The following NEB variants were observed in gnomAD, a reference collection of about 807,000 sequenced individuals.
NEB encodes the protein nemaline myopathy type 2.
In NEB, 512 loss-of-function variants were observed where a neutral mutation model predicts 952.2. The ratio of observed to expected loss-of-function variants is 0.54; its 90% CI spans 0.50 to 0.58. The LOEUF (loss-of-function observed/expected upper bound fraction) is 0.58, where lower values mean the gene tolerates loss of function less well. Ranked by LOEUF, NEB falls within the 20% of genes least tolerant of loss-of-function variation. NEB has a pLI of 0.00. For missense variants in NEB, 8,428 were observed against 9,231.1 expected (o/e 0.91, Z 3.56); for synonymous variants, 2,900 against 3,149.8 (o/e 0.92, Z 2.66).
At chr2:151,490,102 T>C (rs765019089) in intron 180 of NEB, 25 bp from the exon 181 acceptor site, 1 of 1,545,142 alleles carries the variant, frequency 6.5e-7, no homozygotes, top group South Asian at 1.2e-5. Flanking sequence ...GCAAATTCTT[T>C]ATAAGAAGAA....
Position 151,535,734 on chromosome 2 carries a change from G to T in NEB, c.21269C>A (p.Pro7090Gln). The change falls in exon 142 of 182, where the codon CCG becomes CAG. Residue 7090 changes from proline (P) to glutamine (Q), a missense_variant. By Grantham distance (76) the Pro-to-Gln change is moderately conservative. Around this residue, in one of 11 missense-constraint regions of NEB, gnomAD observed 3,374 missense variants for 3,651.5 expected, o/e 0.92. Transcript: ENST00000397345. ...TGCATACTTGAAATGCCTATTGATC[G>T]GAGAGTCGGCAACATACTTGAAATC... ...KSDFKYVADS[P>Q]INRHFKYATQ... 1.2e-6 allele frequency: 2 copies of T among 1,609,344 alleles called. No homozygotes were observed. Among genetic ancestry groups the T allele is most frequent in the Non-Finnish European group, 1.7e-6 (2 of 1,177,504 alleles).
At position 151,680,742 on chromosome 2, in the gene NEB, G is replaced by C; in HGVS notation, c.3030C>G (p.Ala1010=). 1.9e-6 allele frequency: 3 copies of C among 1,601,176 alleles called. No homozygotes were observed. Among genetic ancestry groups the C allele is most frequent in the Non-Finnish European group, 2.6e-6 (3 of 1,168,844 alleles). ...PITVQSKINQ[A]QRSDIAYKAK... ...CATTAACACTTACATCACTCCTCTG[G>C]GCCTGGTTAATTTTAGACTGTACTG... Residue 1010 remains alanine (A), a synonymous_variant, in exon 30 of 182, where the codon GCC becomes GCG. Coordinates refer to ENST00000397345, the MANE Select transcript of NEB (RefSeq NM_001164508.2).
rs776569219 is a variant in NEB at position 151,612,364 on chromosome 2, C to T, written c.11627G>A (p.Trp3876Ter). 4.3e-6 allele frequency: 7 copies of T among 1,613,732 alleles called. No individual in the cohort carries two copies. In the Admixed American group the frequency reaches 1.0e-4, roughly 23 times the overall value. The change falls in exon 78 of 182, where the codon TGG (tryptophan) becomes TAG (stop). Residue 3876 changes from tryptophan to a stop codon, truncating the protein, a stop_gained. Transcript: ENST00000397345. LOFTEE classifies it high-confidence loss of function. The stretch of plus-strand genomic sequence containing the variant: ...GGGAACCCATCCTATGCCTCTCAGC[C>T]ACTCAAGATCAGATTTGTAAATAGC... ...SDAIYKSDLE[W>*]LRGIGWVPIG...
chr2:151,518,870 A>G (rs1053477811), intron 155 of NEB, 95 bp downstream of exon 155: 1 of 754,570 alleles, frequency 1.3e-6, no homozygotes, highest in Non-Finnish European at 2.3e-6. Flanking sequence ...AATCTAGGGT[A>G]TCAGTAGCAG....
In NEB at chr2:151,540,810, T is replaced by C. The variant is rs769188838; in HGVS notation, c.20683-9A>G. On this transcript the variant is annotated splice_polypyrimidine_tract_variant and intron_variant, in intron 136 of 181. Coordinates refer to ENST00000397345, the MANE Select transcript of NEB (RefSeq NM_001164508.2). ...AGTTCAACATACAGATACTGAATAA[T>C]AGAAGAAAGTGAGGTGTCATAGAGA... The C allele has an allele frequency of 1.0e-5, 16 of 1,596,772 alleles. No homozygotes were observed. Among genetic ancestry groups the C allele is most frequent in the Admixed American group, 1.7e-5 (1 of 59,950 alleles).
At chr2:151,672,875 G>T (rs1221881627) in intron 36 of NEB, among the ~76,000 whole-genome samples, 195 bp from the exon 37 acceptor site, 2 of 152,164 alleles carry the variant, frequency 1.3e-5, no homozygotes, top group African/African-American at 4.8e-5. Context: ...ATAAATTCAA[G>T]ATCAGTTTAT....
In NEB at chr2:151,640,483, C is replaced by T; in HGVS notation, c.8557G>A (p.Val2853Met). 6.2e-7 allele frequency: 1 copy of T among 1,613,892 alleles called. No individual in the cohort carries two copies. Among genetic ancestry groups the T allele is most frequent in the Non-Finnish European group, 8.5e-7 (1 of 1,179,880 alleles). The part of the protein sequence containing the change: ...FSSPVDMLGV[V>M]LAKKCQTLVS... ...AAGGTCTGGCACTTCTTGGCCAGCA[C>T]CACCCCCAGCATGTCCACTGGGCTG... Residue 2853 changes from valine to methionine, a missense_variant, in exon 61 of 182, where the codon GTG becomes ATG. Transcript: ENST00000397345.
intron 64 of NEB, among the ~76,000 whole-genome samples, 182 bp from the exon 65 acceptor site, chr2:151,634,147 T>A (rs2098715075): frequency 2.0e-5 from 3 of 152,170 alleles, no homozygotes; most frequent in African/African-American, 4.8e-5. Context: ...ATGGAATTCA[T>A]GTAATTGTAG....
chr2:151,678,141 C>G lies in NEB; in HGVS notation c.3302G>C (p.Gly1101Ala), dbSNP rs368377514. ...DYEKAKGKMV[G>A]FQSLQDDPKL... is the part of the protein sequence containing the mutation. ...AGGGTCATCTTGAAGACTTTGGAAG[C>G]CAACCATTTTCCCTTTAGCCTTTTC... The change falls in exon 33 of 182, where the codon GGC (glycine) becomes GCC (alanine). Residue 1101 changes from glycine to alanine, a missense_variant. This residue lies in a region of NEB where 2,851 missense variants were observed against 2,791.5 expected (regional missense o/e 1.02). Transcript: ENST00000397345. 1 of 1,612,912 alleles carries G rather than the reference C, an allele frequency of 6.2e-7. No homozygotes were observed. Among genetic ancestry groups the G allele is most frequent in the East Asian group, 2.2e-5 (1 of 44,878 alleles).
Position 151,514,416 on chromosome 2 carries a change from T to C in NEB, c.23029A>G (p.Lys7677Glu), listed in dbSNP as rs1352417242. The part of the protein sequence containing the change: ...TKIASEKEYR[K>E]DLEESIRGKG... ...CCACGGATGCTTTCCTCTAGATCTT[T>C]CCTGTACTCTTTCTATATCATGAAA... is the stretch of plus-strand genomic sequence containing the variant. The change falls in exon 159 of 182, where the codon AAA becomes GAA. Residue 7677 changes from lysine to glutamate, a missense_variant. Lys to Glu is a moderately conservative substitution (Grantham distance 56). Around this residue, in one of 11 missense-constraint regions of NEB, gnomAD observed 3,374 missense variants for 3,651.5 expected, o/e 0.92. Coordinates refer to ENST00000397345, the MANE Select transcript of NEB (RefSeq NM_001164508.2). 1 of 1,609,782 alleles carries C rather than the reference T, an allele frequency of 6.2e-7. No individual in the cohort carries two copies. Among genetic ancestry groups the C allele is most frequent in the Admixed American group, 1.7e-5 (1 of 60,026 alleles).
At chr2:151,572,486 ATATT>A (rs1247266005) in intron 107 of NEB, among the ~76,000 whole-genome samples, 9 of 146,588 alleles carry the variant, frequency 6.1e-5, no homozygotes, top group Non-Finnish European at 1.3e-4. Context: ...TATATATTGA[ATATT>A]TATATATATT....
At chr2:151,680,627 C>T in intron 30 of NEB, 103 bp downstream of exon 30, 1 of 802,844 alleles carries the variant, frequency 1.2e-6, no homozygotes, top group Non-Finnish European at 2.0e-6. Flanking sequence ...GTAATTGGGT[C>T]TCTTCATATT....
At position 151,662,293 on chromosome 2, in the gene NEB, G is replaced by A; in HGVS notation, c.5812C>T (p.Leu1938Phe). ...YADFMKGIGWLPLGSLEAEKN... is the reference protein window; with the variant it reads ...YADFMKGIGWFPLGSLEAEKN... ...TCTGCTTCCAGGGAGCCCAGAGGGA[G>A]CCATCCAATGCCCTTCATGAAGTCA... Residue 1938 changes from leucine to phenylalanine, a missense_variant, in exon 46 of 182, where the codon CTC becomes TTC. By Grantham distance (22) the Leu-to-Phe change is conservative. This residue lies in a region of NEB where 2,851 missense variants were observed against 2,791.5 expected (regional missense o/e 1.02). Transcript: ENST00000397345. 1.2e-6 allele frequency: 2 copies of A among 1,613,626 alleles called. No homozygotes were observed. Among genetic ancestry groups the A allele is most frequent in the Non-Finnish European group, 1.7e-6 (2 of 1,179,636 alleles).
intron 181 of NEB, chr2:151,486,750 C>T (rs1045416604): frequency 6.6e-6 from 1 of 152,172 alleles, no homozygotes; most frequent in Admixed American, 6.5e-5. Context: ...GGACGCCATG[C>T]ACCAAGGTCA....
At chr2:151,649,518 G>A (rs553780822) in intron 54 of NEB, among the ~76,000 whole-genome samples, 8 of 152,112 alleles carry the variant, frequency 5.3e-5, no homozygotes, top group Non-Finnish European at 8.8e-5. Context: ...CAGATTTCAG[G>A]GCACATACTT....
intron 135 of NEB, among the ~76,000 whole-genome samples, chr2:151,544,965 C>T (rs2094505591): frequency 1.3e-5 from 2 of 152,216 alleles, no homozygotes; most frequent in South Asian, 4.1e-4. Flanking sequence ...GTGAAATGCC[C>T]TTTGGCAAAC....
At chr2:151,705,599 A>G (rs917947198) in intron 13 of NEB, among the ~76,000 whole-genome samples, 2 of 152,234 alleles carry the variant, frequency 1.3e-5, no homozygotes, top group African/African-American at 4.8e-5. Context: ...AAAAGAAATA[A>G]TATGAAAAAG....
intron 64 of NEB, 31 bp from the exon 65 acceptor site, chr2:151,633,996 A>G (rs776671019): frequency 1.3e-6 from 2 of 1,598,854 alleles, no homozygotes; most frequent in East Asian, 4.5e-5. Context: ...TCAGGTTTTT[A>G]TTGTAACCCC....
Position 151,501,003 on chromosome 2 carries a change from G to T in NEB, c.24021+388C>A, listed in dbSNP as rs558010091. 6.6e-5 allele frequency among the ~76,000 whole-genome samples: 10 copies of T among 152,276 alleles called. No homozygotes were observed. In the South Asian group the frequency reaches 2.1e-3, roughly 32 times the overall value. Reference sequence around the variant, plus strand: ...TAAGATGATCCCTGTTCCTAAGGAAGAGCCACCATTTCTATATGTGGCTTC... The same window carrying T: ...TAAGATGATCCCTGTTCCTAAGGAATAGCCACCATTTCTATATGTGGCTTC... On this transcript the variant is annotated intron_variant, in intron 168 of 181. Coordinates refer to ENST00000397345, the MANE Select transcript of NEB (RefSeq NM_001164508.2).
Sources: gnomAD v4.1 joint callset for allele counts (sites outside exome capture counted in the v4.1 genomes callset) on GRCh38, gnomAD v4.1.1 for gene constraint, gnomAD v4.1.1 regional missense constraint, MANE v1.5 for transcripts, NCBI Gene and HGNC (gene_info 2026-07-23, HGNC 2026-07-21) for gene names.